Variants in OSBP2 observed in about 807,000 individuals in gnomAD.
OSBP2 encodes oxysterol binding protein 2, also known as oxysterol-binding protein 2.
Under a neutral mutation model 96.0 loss-of-function variants are expected in OSBP2, and 66 were observed. That is an observed-to-expected ratio of 0.69 (90% CI 0.56 to 0.84). The LOEUF is 0.84. Ranked by LOEUF, OSBP2 falls within the 40% of genes least tolerant of loss-of-function variation. OSBP2 has a pLI of 0.00. For synonymous variants in OSBP2, 525 were observed against 520.9 expected (o/e 1.01, Z -0.11); for missense variants, 1,038 against 1,222.7 (o/e 0.85, Z 2.25).
chr22:30,706,665 G>T (rs890769961), intron 1 of OSBP2, among the ~76,000 whole-genome samples: 1 of 152,072 alleles, frequency 6.6e-6, no homozygotes, highest in Non-Finnish European at 1.5e-5. Flanking sequence ...TCACAGCCAG[G>T]TCCTGCCTCT....
At chr22:30,724,061 C>G (rs1401894965) in intron 1 of OSBP2, among the ~76,000 whole-genome samples, 1 of 152,184 alleles carries the variant, frequency 6.6e-6, no homozygotes, top group Non-Finnish European at 1.5e-5. Flanking sequence ...ATCCCCTAAC[C>G]CCAAGCAACC....
intron 2 of OSBP2, among the ~76,000 whole-genome samples, chr22:30,839,155 A>G (rs2038695988): frequency 6.9e-6 from 1 of 144,874 alleles, no homozygotes; most frequent in African/African-American, 2.6e-5. Flanking sequence ...AATTTCATCC[A>G]TGTCCCTACA....
At chr22:30,843,074 G>A (rs561992907) in intron 2 of OSBP2, among the ~76,000 whole-genome samples, 6 of 152,020 alleles carry the variant, frequency 3.9e-5, no homozygotes, top group East Asian at 1.9e-4. Flanking sequence ...GTGAGCCACC[G>A]CACCCGGCCT....
chr22:30,835,078 G>T (rs1375234891), intron 2 of OSBP2, among the ~76,000 whole-genome samples: 1 of 152,048 alleles, frequency 6.6e-6, no homozygotes, highest in Non-Finnish European at 1.5e-5. Context: ...GCCTCCCAAA[G>T]TGCTGGGGTT....
At chr22:30,869,788 G>A (rs779052549) in intron 2 of OSBP2, among the ~76,000 whole-genome samples, 47 of 152,194 alleles carry the variant, frequency 3.1e-4, no homozygotes, top group Non-Finnish European at 5.4e-4. Flanking sequence ...GCATTGGGCT[G>A]GCCCTCAAAG....
chr22:30,899,709 A>G (rs1156468042), intron 12 of OSBP2, among the ~76,000 whole-genome samples: 2 of 152,192 alleles, frequency 1.3e-5, no homozygotes. Flanking sequence ...TTTCACTTAT[A>G]TTAATAAATA....
At chr22:30,884,295 C>G (rs1215033981) in intron 3 of OSBP2, among the ~76,000 whole-genome samples, 2 of 152,168 alleles carry the variant, frequency 1.3e-5, no homozygotes, top group Non-Finnish European at 2.9e-5. Flanking sequence ...CTGCACTCCT[C>G]CCACCTGGAG....
At chr22:30,749,473 T>C (rs2090046635) in intron 2 of OSBP2, among the ~76,000 whole-genome samples, 1 of 152,192 alleles carries the variant, frequency 6.6e-6, no homozygotes, top group Non-Finnish European at 1.5e-5. Flanking sequence ...TTAGGATGCT[T>C]CTGACACTGT....
At chr22:30,789,692 A>G (rs2090645887) in intron 2 of OSBP2, among the ~76,000 whole-genome samples, 1 of 152,136 alleles carries the variant, frequency 6.6e-6, no homozygotes, top group African/African-American at 2.4e-5. Context: ...GAGGGAAGAA[A>G]ATGGTTTAGC....
intron 2 of OSBP2, among the ~76,000 whole-genome samples, chr22:30,792,481 G>A (rs1051771520): frequency 2.0e-5 from 3 of 151,886 alleles, no homozygotes; most frequent in Non-Finnish European, 2.9e-5. Context: ...ACAGGCCCAC[G>A]GGTAAAAAGT....
chr22:30,778,169 CCTT>C (rs1414167719), intron 2 of OSBP2, among the ~76,000 whole-genome samples: 2,794 of 124,166 alleles, frequency 0.023, 320 homozygotes, highest in African/African-American at 0.057. Flanking sequence ...TAATTTTTGC[CCTT>C]TTTTTTTTTT....
intron 1 of OSBP2, among the ~76,000 whole-genome samples, chr22:30,703,722 C>T (rs1468390601): frequency 4.6e-5 from 7 of 152,072 alleles, no homozygotes; most frequent in African/African-American, 1.7e-4. Flanking sequence ...GTGATCTGCC[C>T]GCCTCAGCCT....
Position 30,890,582 on chromosome 22 carries a change from CCA to C in OSBP2, c.1624-142_1624-141del. 1 of 832,162 alleles carries C rather than the reference CCA, an allele frequency of 1.2e-6. No homozygotes were observed. Among genetic ancestry groups the C allele is most frequent in the Non-Finnish European group, 1.9e-6 (1 of 532,188 alleles). 51.5% of individuals were successfully genotyped at this position (832,162 alleles called of 1,614,324 possible). ...GGCCAGGGAGGTGATGGCTTGGGGGCCACACTGTTGGACAGGGCCATCTGAGG... is the reference window on the plus strand; with the variant it reads ...GGCCAGGGAGGTGATGGCTTGGGGGCCACTGTTGGACAGGGCCATCTGAGG... On this transcript the variant is annotated intron_variant, in intron 7 of 13. Transcript: ENST00000332585. This position sits in a 1 kb window ranked among gnomAD's most constrained non-coding sequence, Gnocchi z 4.4.
At position 30,768,991 on chromosome 22, in the gene OSBP2, T is replaced by C. The variant is rs1303846783; in HGVS notation, c.853+27622T>C. On this transcript the variant is annotated intron_variant, in intron 2 of 13. Transcript: ENST00000332585. ...CGGATGCCTGACCTAAACCTGAGGC[T>C]GGCAGGACTGTGACGTTTCCCTGGG... 2.6e-5 allele frequency among the ~76,000 whole-genome samples: 4 copies of C among 152,252 alleles called. No homozygotes were observed. In the East Asian group the frequency reaches 7.7e-4, roughly 29 times the overall value.
chr22:30,852,345 GATTTTT>G (rs1774734738), intron 2 of OSBP2, among the ~76,000 whole-genome samples: 1 of 152,088 alleles, frequency 6.6e-6, no homozygotes, highest in African/African-American at 2.4e-5. Context: ...GGGCTTATCT[GATTTTT>G]ATTTCTTGTG....
At chr22:30,697,468 G>A (rs1446637621) in intron 1 of OSBP2, among the ~76,000 whole-genome samples, 3 of 152,020 alleles carry the variant, frequency 2.0e-5, no homozygotes, top group East Asian at 1.9e-4. Flanking sequence ...TAGTAGAGGC[G>A]GGGTTTCACC....
At chr22:30,822,515 C>T (rs540159436) in intron 2 of OSBP2, 4 of 1,373,144 alleles carry the variant, frequency 2.9e-6, no homozygotes, top group Non-Finnish European at 3.8e-6. Context: ...CCGGGACCCA[C>T]GAGTGTCCGC....
At chr22:30,735,357 TCAA>T (rs1186076270) in intron 1 of OSBP2, among the ~76,000 whole-genome samples, 1 of 151,686 alleles carries the variant, frequency 6.6e-6, no homozygotes, top group Non-Finnish European at 1.5e-5. Context: ...TTCATTTTTA[TCAA>T]CTTCTATTTC....
intron 2 of OSBP2, among the ~76,000 whole-genome samples, chr22:30,794,243 A>G (rs947658294): frequency 3.4e-5 from 5 of 148,196 alleles, no homozygotes; most frequent in African/African-American, 1.2e-4. Flanking sequence ...AAATTATCTT[A>G]TTCTCTCCTC....
Sources: allele counts gnomAD v4.1 joint callset (sites outside exome capture counted in the v4.1 genomes callset), GRCh38; gene constraint gnomAD v4.1.1; non-coding constraint Gnocchi (gnomAD v3.1); transcripts MANE v1.5; gene names NCBI Gene and HGNC (gene_info 2026-07-23, HGNC 2026-07-21).